Variants in PATJ observed in about 807,000 individuals in gnomAD.
PATJ encodes PATJ crumbs cell polarity complex component, also known as inaD-like protein.
PATJ carries 190 observed loss-of-function variants against 224.9 expected under a neutral mutation model. The observed-to-expected ratio is 0.84, with a 90% CI of 0.75 to 0.95. PATJ has a LOEUF of 0.95. PATJ is among the 40% of genes least tolerant of loss of function. The pLI, the probability that PATJ is intolerant of heterozygous loss-of-function variation, is 0.00. For missense variants in PATJ, 2,121 were observed against 2,270.3 expected, an observed-to-expected ratio of 0.93 and a Z score of 1.34; for synonymous variants, 769 against 820.3, an observed-to-expected ratio of 0.94 and a Z score of 1.07.
chr1:61,763,873 G>T (rs1323434290), intron 3 of PATJ, among the ~76,000 whole-genome samples: 4 of 151,996 alleles, frequency 2.6e-5, no homozygotes, highest in African/African-American at 9.7e-5. Flanking sequence ...GCCCAGGCTG[G>T]TCTCAAACTA....
intron 37 of PATJ, among the ~76,000 whole-genome samples, chr1:62,117,907 G>A (rs1442409612): frequency 2.6e-5 from 4 of 152,122 alleles, no homozygotes; most frequent in Admixed American, 6.6e-5. Flanking sequence ...TCTGGGTTAT[G>A]GATAGGCCGC....
chr1:62,011,389 T>C (rs2148329005), intron 28 of PATJ, among the ~76,000 whole-genome samples: 1 of 152,270 alleles, frequency 6.6e-6, no homozygotes, highest in South Asian at 2.1e-4. Context: ...TTTAATATTG[T>C]TGTGTCTTGG....
At chr1:62,002,101 A>G (rs368695843) in intron 28 of PATJ, among the ~76,000 whole-genome samples, 180 of 152,262 alleles carry the variant, frequency 1.2e-3, no homozygotes, top group African/African-American at 4.0e-3. Context: ...CAGGAGTCCC[A>G]TAGCACCAAG....
chr1:61,826,359 A>G (rs534311774), intron 15 of PATJ, among the ~76,000 whole-genome samples: 6 of 152,338 alleles, frequency 3.9e-5, no homozygotes, highest in East Asian at 1.9e-4. Context: ...TTATCTGAAC[A>G]TTAGCACGGC....
intron 28 of PATJ, among the ~76,000 whole-genome samples, chr1:62,009,359 T>G (rs1401715700): frequency 6.6e-6 from 1 of 152,246 alleles, no homozygotes; most frequent in Admixed American, 6.5e-5. Context: ...GAAAGTTATG[T>G]TTATACTATG....
intron 1 of PATJ, among the ~76,000 whole-genome samples, chr1:61,761,875 A>G (rs1048359634): frequency 6.6e-6 from 1 of 151,674 alleles, no homozygotes; most frequent in African/African-American, 2.4e-5. Context: ...TTTTGTAGAG[A>G]TGGAATCTCA....
intron 8 of PATJ, among the ~76,000 whole-genome samples, chr1:61,790,515 GT>G (rs377372844): frequency 3.9e-5 from 5 of 129,018 alleles, no homozygotes; most frequent in Non-Finnish European, 6.3e-5. Flanking sequence ...TCTTTTTTTT[GT>G]TTTTTTTTTT....
chr1:62,103,050 A>G (rs1372699296), intron 33 of PATJ, among the ~76,000 whole-genome samples: 1 of 151,944 alleles, frequency 6.6e-6, no homozygotes, highest in African/African-American at 2.4e-5. Context: ...TCCACAAGTC[A>G]TCTTTTTGTT....
intron 28 of PATJ, among the ~76,000 whole-genome samples, chr1:61,997,783 G>GTT (rs1433594998): frequency 8.0e-6 from 1 of 125,506 alleles, no homozygotes; most frequent in Non-Finnish European, 1.7e-5. Flanking sequence ...TATGTGTGCG[G>GTT]TTTTTTGTTT....
chr1:62,080,606 A>G (rs1386554727), intron 32 of PATJ, among the ~76,000 whole-genome samples: 2 of 152,186 alleles, frequency 1.3e-5, no homozygotes, highest in Non-Finnish European at 2.9e-5. Context: ...TGCTGGGATT[A>G]CAGACGTGAG....
chr1:62,119,813 G>A (rs1664849837), intron 37 of PATJ, among the ~76,000 whole-genome samples: 1 of 152,082 alleles, frequency 6.6e-6, no homozygotes, highest in African/African-American at 2.4e-5. Context: ...GCATAGTGGT[G>A]GGCTCCTGTA....
intron 29 of PATJ, among the ~76,000 whole-genome samples, chr1:62,026,413 C>T (rs1438557524): frequency 6.6e-6 from 1 of 151,710 alleles, no homozygotes; most frequent in Non-Finnish European, 1.5e-5. Context: ...AATCAGAAAG[C>T]AATATCCAGG....
intron 28 of PATJ, among the ~76,000 whole-genome samples, chr1:61,998,562 T>G (rs1169247330): frequency 6.6e-6 from 1 of 152,160 alleles, no homozygotes; most frequent in East Asian, 1.9e-4. Flanking sequence ...TTGAATTAAT[T>G]AAAAGCAGAA....
intron 32 of PATJ, among the ~76,000 whole-genome samples, chr1:62,080,036 A>AT (rs1659013028): frequency 6.6e-6 from 1 of 151,928 alleles, no homozygotes; most frequent in Admixed American, 6.6e-5. Flanking sequence ...TCAAAAAAAA[A>AT]AAAAAGGAAA....
At chr1:62,149,651 A>T (rs1050785341) in intron 42 of PATJ, among the ~76,000 whole-genome samples, 1 of 151,694 alleles carries the variant, frequency 6.6e-6, no homozygotes, top group Non-Finnish European at 1.5e-5. Context: ...AGTACAGCGT[A>T]CCTTTAGCAT....
chr1:61,871,565 T>A (rs1175010829), intron 20 of PATJ, among the ~76,000 whole-genome samples: 896 of 26,216 alleles, frequency 0.034, 10 homozygotes, highest in East Asian at 0.16. Context: ...ATATTTTTTT[T>A]TTTTTTTTTT....
Position 62,153,400 on chromosome 1 carries a change from A to G in PATJ, c.5421A>G (p.Glu1807=). 8.1e-7 allele frequency: 1 copy of G among 1,231,770 alleles called. No homozygotes were observed. Among genetic ancestry groups the G allele is most frequent in the African/African-American group, 1.5e-5 (1 of 64,544 alleles). The allele number at this position is 1,231,770 out of a possible 1,614,324, so 76.3% of individuals were successfully genotyped here. A position where few individuals can be genotyped will look rare whatever the true frequency, so the allele number is the denominator to read the frequency against. ...TTATTACTTTGGAGAAAGGCTCTGA[A>G]GGCTTGGGGTTTAGTATTGTAGGGG... ...PKIITLEKGS[E]GLGFSIVGGY... Residue 1807 remains glutamate, a synonymous_variant, in exon 43 of 44, where the codon GAA becomes GAG. Transcript: ENST00000642238.
At chr1:62,100,312 T>C (rs1425723157) in intron 33 of PATJ, 2 of 713,744 alleles carry the variant, frequency 2.8e-6, no homozygotes, top group Non-Finnish European at 5.2e-6. Context: ...TTGTATTTGG[T>C]TCACAGTTCT....
At chr1:61,743,970 A>T (rs1644891906) in intron 1 of PATJ, among the ~76,000 whole-genome samples, 1 of 152,168 alleles carries the variant, frequency 6.6e-6, no homozygotes, top group Non-Finnish European at 1.5e-5. Flanking sequence ...GCAGACTGAA[A>T]GCCAGAGTTG....
Sources: allele counts gnomAD v4.1 joint callset (sites outside exome capture counted in the v4.1 genomes callset), GRCh38; gene constraint gnomAD v4.1.1; transcripts MANE v1.5; gene names NCBI Gene and HGNC (gene_info 2026-07-23, HGNC 2026-07-21).